The following CRISPLD2 variants were observed in gnomAD, a reference collection of about 807,000 sequenced individuals.
The protein encoded by CRISPLD2 is cysteine-rich secretory protein LCCL domain-containing 2.
CRISPLD2 carries 47 observed loss-of-function variants against 71.1 expected under a neutral mutation model. The ratio of observed to expected loss-of-function variants is 0.66; its 90% CI spans 0.52 to 0.84. CRISPLD2 has a LOEUF of 0.84. Among genes scored for constraint, CRISPLD2 ranks in the 40% least tolerant of loss-of-function variants. The pLI is 0.00. For missense variants in CRISPLD2, 830 were observed against 651.1 expected, an observed-to-expected ratio of 1.27 and a Z score of -2.99; for synonymous variants, 317 against 250.1, an observed-to-expected ratio of 1.27 and a Z score of -2.52.
chr16:84,894,669 C>G (rs2071690724), intron 14 of CRISPLD2, among the ~76,000 whole-genome samples: 1 of 152,186 alleles, frequency 6.6e-6, no homozygotes, highest in Non-Finnish European at 1.5e-5. Context: ...ATGCATTTTA[C>G]TTATCCCAAT....
Position 84,866,882 on chromosome 16 carries a change from C to T in CRISPLD2, c.710-15C>T, listed in dbSNP as rs1226237395. ...CCCAGTGTGTTATTTTTTTTCCTCCCTCTCCAATGTTAAGAAGAAACCTAC... is the reference window on the plus strand; with the variant it reads ...CCCAGTGTGTTATTTTTTTTCCTCCTTCTCCAATGTTAAGAAGAAACCTAC... On this transcript the variant is annotated splice_polypyrimidine_tract_variant and intron_variant, in intron 6 of 14. Coordinates refer to ENST00000262424, the MANE Select transcript of CRISPLD2 (RefSeq NM_031476.4). The T allele has an allele frequency of 1.9e-6, 3 of 1,601,570 alleles. No homozygotes were observed. The highest frequency in any genetic ancestry group is 1.7e-5 in the Admixed American group (1 of 57,646).
chr16:84,824,108 G>T (rs984277306), intron 1 of CRISPLD2, among the ~76,000 whole-genome samples: 7 of 151,768 alleles, frequency 4.6e-5, no homozygotes, highest in African/African-American at 1.4e-4. Context: ...GCGAGCAGGG[G>T]AAGATGATAG....
intron 13 of CRISPLD2, 107 bp downstream of exon 13, chr16:84,880,691 CTAAATTAATTAATTAA>C (rs1567699603): frequency 1.5e-6 from 1 of 648,672 alleles, no homozygotes; most frequent in Non-Finnish European, 2.7e-6. Flanking sequence ...TGCCTCTTAG[CTAAATTAATTAATTAA>C]TTAATTAATT....
In CRISPLD2 at chr16:84,821,231, C is replaced by T. The variant is rs746376697; in HGVS notation, c.-75+1098C>T. ...GTGAGGAGAGCCTGCAGAACAGGACCGGGGCGTGGTCCTTTCCAGTAGACT... is the reference window on the plus strand; with the variant it reads ...GTGAGGAGAGCCTGCAGAACAGGACTGGGGCGTGGTCCTTTCCAGTAGACT... On this transcript the variant is annotated intron_variant, in intron 1 of 14. Coordinates refer to ENST00000262424, the MANE Select transcript of CRISPLD2 (RefSeq NM_031476.4). Among the ~76,000 whole-genome samples the T allele has an allele frequency of 3.3e-5, 5 of 152,116 alleles. No homozygotes were observed. In the East Asian group the frequency reaches 5.8e-4, roughly 18 times the overall value.
chr16:84,852,713 G>T (rs1486122229), intron 5 of CRISPLD2, among the ~76,000 whole-genome samples: 2 of 152,088 alleles, frequency 1.3e-5, no homozygotes, highest in South Asian at 4.1e-4. Flanking sequence ...ACAAGGGGTG[G>T]GGTGGGTGTG....
rs1162907615 is a variant in CRISPLD2 at position 84,849,461 on chromosome 16, T to G, written c.436T>G (p.Cys146Gly). Reference sequence around the variant, plus strand: ...CTACACCTACCCCTACCCGAGCGAGTGCAACCCCTGGTGTCCAGAGAGGTG... The same window carrying G: ...CTACACCTACCCCTACCCGAGCGAGGGCAACCCCTGGTGTCCAGAGAGGTG... ...KDYTYPYPSE[C>G]NPWCPERCSG... Residue 146 changes from cysteine (C) to glycine (G), a missense_variant, in exon 4 of 15, where the codon TGC (cysteine) becomes GGC (glycine). By Grantham distance (159) the Cys-to-Gly change is radical. Transcript: ENST00000262424. The G allele has an allele frequency of 6.2e-7, 1 of 1,614,084 alleles. No individual in the cohort carries two copies. The highest frequency in any genetic ancestry group is 2.2e-5 in the East Asian group (1 of 44,882).
intron 14 of CRISPLD2, 22 bp from the exon 15 acceptor site, chr16:84,906,566 C>T (rs3803630): frequency 6.2e-7 from 1 of 1,611,706 alleles, no homozygotes; most frequent in Non-Finnish European, 8.5e-7. Context: ...CAGTAACGGG[C>T]CCTCTTTCTT....
intron 6 of CRISPLD2, among the ~76,000 whole-genome samples, chr16:84,866,089 T>C (rs1006247054): frequency 4.0e-5 from 6 of 151,892 alleles, no homozygotes; most frequent in Non-Finnish European, 5.9e-5. Context: ...TGAGGTGCAG[T>C]TGGGGTCTAG....
At chr16:84,877,643 A>G in intron 12 of CRISPLD2, 133 bp downstream of exon 12, 1 of 632,382 alleles carries the variant, frequency 1.6e-6, no homozygotes, top group Non-Finnish European at 2.7e-6. Context: ...TGAGGCCAGG[A>G]GTTCGTGACC....
chr16:84,864,400 C>T (rs542911132), intron 6 of CRISPLD2, among the ~76,000 whole-genome samples: 17 of 152,266 alleles, frequency 1.1e-4, no homozygotes, highest in Middle Eastern at 3.4e-3. Context: ...AATAAAGCTG[C>T]GATTATGAGG....
At chr16:84,865,312 T>C (rs952945393) in intron 6 of CRISPLD2, among the ~76,000 whole-genome samples, 1 of 152,174 alleles carries the variant, frequency 6.6e-6, no homozygotes, top group African/African-American at 2.4e-5. Flanking sequence ...CCCGCCATCA[T>C]GCCCAGCTAA....
intron 14 of CRISPLD2, among the ~76,000 whole-genome samples, chr16:84,896,204 A>T (rs1046615745): frequency 1.3e-5 from 2 of 151,712 alleles, no homozygotes; most frequent in East Asian, 1.9e-4. Context: ...CACCTGGCTA[A>T]TTTTTTTCAT....
Position 84,866,911 on chromosome 16 carries a change from C to A in CRISPLD2, c.724C>A (p.Pro242Thr). The change falls in exon 7 of 15, where the codon CCA becomes ACA. Residue 242 changes from proline to threonine, a missense_variant. Transcript: ENST00000262424. ...CCAATGTTAAGAAGAAACCTACACT[C>A]CAAAACCTGAAACGGACGAGATGAA... Reference protein sequence around the residue: ...NLCYREETYTPKPETDEMNEV... With the variant: ...NLCYREETYTTKPETDEMNEV... 1 of 1,614,092 alleles carries A rather than the reference C, an allele frequency of 6.2e-7. No homozygotes were observed. Among genetic ancestry groups the A allele is most frequent in the Non-Finnish European group, 8.5e-7 (1 of 1,179,994 alleles).
Position 84,866,781 on chromosome 16 carries a change from T to G in CRISPLD2, c.710-116T>G, listed in dbSNP as rs139119795. 6.8e-3 allele frequency: 6,763 copies of G among 989,234 alleles called. 39 individuals are homozygous for G. Among genetic ancestry groups the G allele is most frequent in the Middle Eastern group, 0.011 (51 of 4,682 alleles). 61.3% of individuals were successfully genotyped at this position (989,234 alleles called of 1,614,324 possible). A position where few individuals can be genotyped will look rare whatever the true frequency, so the allele number is the denominator to read the frequency against. On this transcript the variant is annotated intron_variant, in intron 6 of 14. Coordinates refer to ENST00000262424, the MANE Select transcript of CRISPLD2 (RefSeq NM_031476.4). The stretch of plus-strand genomic sequence containing the variant: ...ACTTTCTCTTTGCCGCTGAAATGAT[T>G]CTTTGTAAAACCAAACCTCAAACAC...
chr16:84,877,122 A>C (rs960686652), intron 11 of CRISPLD2, among the ~76,000 whole-genome samples: 1 of 152,188 alleles, frequency 6.6e-6, no homozygotes, highest in Non-Finnish European at 1.5e-5. Context: ...TGTGAGGAGC[A>C]AAGGTGATCA....
intron 13 of CRISPLD2, among the ~76,000 whole-genome samples, chr16:84,885,944 G>A (rs930464533): frequency 6.0e-5 from 9 of 150,024 alleles, no homozygotes; most frequent in South Asian, 2.1e-4. Context: ...TCAGCCACCC[G>A]TGTAGCTGGA....
At chr16:84,852,044 A>G (rs1254304616) in intron 5 of CRISPLD2, among the ~76,000 whole-genome samples, 2 of 152,178 alleles carry the variant, frequency 1.3e-5, no homozygotes, top group Non-Finnish European at 2.9e-5. Flanking sequence ...AAGGTGTGGC[A>G]GATCAAGGGG....
chr16:84,835,154 G>GATCTCGGC (rs2143162463), intron 1 of CRISPLD2, among the ~76,000 whole-genome samples: 1 of 152,106 alleles, frequency 6.6e-6, no homozygotes, highest in East Asian at 1.9e-4. Flanking sequence ...GCAATGGCAT[G>GATCTCGGC]ATCTCGGCTC....
At chr16:84,871,338 T>A (rs892636339) in intron 8 of CRISPLD2, among the ~76,000 whole-genome samples, 2 of 152,068 alleles carry the variant, frequency 1.3e-5, no homozygotes, top group Non-Finnish European at 2.9e-5. Context: ...GGTGGATTGC[T>A]TGAGCCCAGG....
Sources: gnomAD v4.1 joint callset for allele counts (sites outside exome capture counted in the v4.1 genomes callset) on GRCh38, gnomAD v4.1.1 for gene constraint, MANE v1.5 for transcripts, NCBI Gene and HGNC (gene_info 2026-07-23, HGNC 2026-07-21) for gene names.